Variants in TYW1 observed in about 807,000 individuals in gnomAD.
The protein encoded by TYW1 is S-adenosyl-L-methionine-dependent tRNA 4-demethylwyosine synthase TYW1.
A neutral mutation model predicts 96.2 loss-of-function variants in TYW1; 46 were observed. That is an observed-to-expected ratio of 0.48 (90% CI 0.38 to 0.61). TYW1 has a LOEUF of 0.61. Ranked by LOEUF, TYW1 falls within the 20% of genes least tolerant of loss-of-function variation. The pLI is 0.00. For missense variants in TYW1, 684 were observed against 909.6 expected (o/e 0.75, Z 3.19); for synonymous variants, 274 against 323.0 (o/e 0.85, Z 1.63).
rs180779512 is a variant in TYW1, at chr7:67,092,714, A to G, written c.1385-5827A>G. On this transcript the variant is annotated intron_variant, in intron 11 of 15. Coordinates refer to ENST00000359626, the MANE Select transcript of TYW1 (RefSeq NM_018264.4). ...TTTTTTTTTTTTGAGACGGAATCTC[A>G]CCCTGCTGCCAAGGCTGGAGTGCAG... is the stretch of plus-strand genomic sequence containing the variant. 2.5e-5 allele frequency among the ~76,000 whole-genome samples: 3 copies of G among 117,750 alleles called. No homozygotes were observed. In the East Asian group the frequency reaches 7.4e-4, roughly 29 times the overall value. 77.2% of individuals were successfully genotyped at this position (117,750 alleles called of 152,430 possible). A position where few individuals can be genotyped will look rare whatever the true frequency, so the allele number is the denominator to read the frequency against.
At chr7:67,137,222 C>G (rs1035948418) in intron 13 of TYW1, among the ~76,000 whole-genome samples, 2 of 152,128 alleles carry the variant, frequency 1.3e-5, no homozygotes, top group African/African-American at 4.8e-5. Flanking sequence ...AAAAGTTATT[C>G]TAGGCAGGTC....
rs948349703 is a variant in TYW1 at position 67,016,265 on chromosome 7, C to T, written c.571-1588C>T. ...GGGAGTTTTTTTTAAAAGCTGTTTACGGCCGGGCGCAGTGGCACACTCCTG... is the reference window on the plus strand; with the variant it reads ...GGGAGTTTTTTTTAAAAGCTGTTTATGGCCGGGCGCAGTGGCACACTCCTG... On this transcript the variant is annotated intron_variant, in intron 5 of 15. Coordinates refer to ENST00000359626, the MANE Select transcript of TYW1 (RefSeq NM_018264.4). 1.1e-4 allele frequency among the ~76,000 whole-genome samples: 15 copies of T among 135,426 alleles called. 1 individual carries two copies. The highest frequency in any genetic ancestry group is 9.2e-4 in the South Asian group (4 of 4,340). The allele number at this position is 135,426 out of a possible 152,430, so 88.8% of individuals were successfully genotyped here.
intron 15 of TYW1, among the ~76,000 whole-genome samples, chr7:67,203,477 T>G (rs539671376): frequency 1.2e-4 from 18 of 152,370 alleles, no homozygotes; most frequent in Admixed American, 3.3e-4. Context: ...ACATATTACA[T>G]TATGCATATA....
intron 6 of TYW1, among the ~76,000 whole-genome samples, chr7:67,024,574 G>T (rs1794385763): frequency 6.6e-6 from 1 of 151,824 alleles, no homozygotes; most frequent in Non-Finnish European, 1.5e-5. Context: ...TGAGGTCAGG[G>T]GTTCGAGACC....
At chr7:67,083,767 G>A (rs1796453297) in intron 11 of TYW1, among the ~76,000 whole-genome samples, 1 of 152,228 alleles carries the variant, frequency 6.6e-6, no homozygotes, top group Admixed American at 6.5e-5. Flanking sequence ...AGGTGTGCTG[G>A]CTCACGCCTG....
chr7:67,041,457 GC>G (rs1220560131), intron 7 of TYW1, among the ~76,000 whole-genome samples: 1 of 151,942 alleles, frequency 6.6e-6, no homozygotes, highest in Admixed American at 6.6e-5. Flanking sequence ...CCGCCACCAC[GC>G]CCGGCTAATT....
chr7:67,193,187 G>T (rs10243730), intron 14 of TYW1, among the ~76,000 whole-genome samples: 23,456 of 152,098 alleles, frequency 0.15, 1,963 homozygotes, highest in African/African-American at 0.21. Flanking sequence ...TCTGTTAGTC[G>T]TTGGTTTCTT....
At chr7:67,004,077 A>G (rs1471928561) in intron 3 of TYW1, among the ~76,000 whole-genome samples, 1 of 152,058 alleles carries the variant, frequency 6.6e-6, no homozygotes, top group Non-Finnish European at 1.5e-5. Flanking sequence ...AAAAAAAACA[A>G]TCTAAGTGTG....
intron 12 of TYW1, among the ~76,000 whole-genome samples, chr7:67,109,561 C>G (rs949965972): frequency 2.6e-5 from 4 of 152,142 alleles, no homozygotes; most frequent in Non-Finnish European, 5.9e-5. Context: ...TTGTTCTATT[C>G]CATTCTCACT....
intron 7 of TYW1, among the ~76,000 whole-genome samples, chr7:67,038,021 C>G (rs543824947): frequency 2.3e-4 from 34 of 148,268 alleles, no homozygotes; most frequent in African/African-American, 6.1e-4. Context: ...AATGCTCGGG[C>G]CGAGCTTGGT....
At chr7:67,059,841 C>A (rs750968065) in intron 9 of TYW1, among the ~76,000 whole-genome samples, 1 of 145,314 alleles carries the variant, frequency 6.9e-6, no homozygotes, top group Non-Finnish European at 1.5e-5. Context: ...GGTGTGATCT[C>A]GGCTCCCTGC....
chr7:67,009,664 G>T lies in TYW1; in HGVS notation c.355G>T (p.Asp119Tyr), dbSNP rs1408883099. The change falls in exon 4 of 16, where the codon GAT becomes TAT. Residue 119 changes from aspartate (D) to tyrosine (Y), a missense_variant. Coordinates refer to ENST00000359626, the MANE Select transcript of TYW1 (RefSeq NM_018264.4). The part of the protein sequence containing the change: ...AIINLKEYDP[D>Y]DHLIEEVTSK... ...TATTAATCTAAAAGAATATGATCCAGATGATCATCTGATAGAAGAGGTTGG... is the reference window on the plus strand; with the variant it reads ...TATTAATCTAAAAGAATATGATCCATATGATCATCTGATAGAAGAGGTTGG... 1.2e-6 allele frequency: 2 copies of T among 1,608,258 alleles called. No individual in the cohort carries two copies. The highest frequency in any genetic ancestry group is 1.7e-6 in the Non-Finnish European group (2 of 1,178,422).
intron 15 of TYW1, among the ~76,000 whole-genome samples, chr7:67,197,660 CAAG>C (rs1800444610): frequency 6.6e-6 from 1 of 152,196 alleles, no homozygotes; most frequent in African/African-American, 2.4e-5. Flanking sequence ...ATTGACACAT[CAAG>C]GGGTTCAGTA....
In TYW1 at chr7:67,223,857, G is replaced by T. The variant is rs987914047; in HGVS notation, c.1978-14451G>T. 7.7e-4 allele frequency among the ~76,000 whole-genome samples: 117 copies of T among 151,026 alleles called. 1 individual carries two copies. Among genetic ancestry groups the T allele is most frequent in the African/African-American group, 2.8e-3 (116 of 40,918 alleles). The stretch of plus-strand genomic sequence containing the variant: ...GCAATTTACTGTCAAGCCTTCCCCT[G>T]AATGTTACAAGCCTTCAATAGACTC... On this transcript the variant is annotated intron_variant, in intron 15 of 15. Coordinates refer to ENST00000359626, the MANE Select transcript of TYW1 (RefSeq NM_018264.4).
intron 11 of TYW1, among the ~76,000 whole-genome samples, chr7:67,086,637 A>C (rs1478092023): frequency 6.6e-6 from 1 of 152,196 alleles, no homozygotes; most frequent in Non-Finnish European, 1.5e-5. Flanking sequence ...ATCCTGGCAG[A>C]ATTCCTTCTT....
chr7:67,029,420 T>TACATATATATATATATAC (rs1178670060), intron 7 of TYW1, among the ~76,000 whole-genome samples: 1 of 118,534 alleles, frequency 8.4e-6, no homozygotes, highest in African/African-American at 3.3e-5. Flanking sequence ...TGTGTGTATA[T>TACATATATATATATATAC]ATATATATAT....
chr7:67,201,897 G>A (rs1210404774), intron 15 of TYW1, among the ~76,000 whole-genome samples: 2 of 152,186 alleles, frequency 1.3e-5, no homozygotes, highest in African/African-American at 4.8e-5. Flanking sequence ...TGAAAGAAGT[G>A]TGACACAGCC....
At chr7:67,055,754 A>G in intron 8 of TYW1, 81 bp from the exon 9 acceptor site, 1 of 1,204,262 alleles carries the variant, frequency 8.3e-7, no homozygotes, top group East Asian at 2.5e-5. Flanking sequence ...AAAAAAAAAA[A>G]TTTTTGCTAA....
chr7:67,195,209 AC>A lies in TYW1; in HGVS notation c.1851del (p.Met618TrpfsTer20), dbSNP rs1800350994. 6.2e-7 allele frequency: 1 copy of A among 1,613,720 alleles called. No homozygotes were observed. Among genetic ancestry groups the A allele is most frequent in the Non-Finnish European group, 8.5e-7 (1 of 1,179,990 alleles). ...CGGAGAAAGTTCAGCAAGCAGTCTT[AC>A]CATGGCCCACGTGCCCTGGCATGAG... ...YCGESSASSLTMAHVPWHEEV... is the reference protein window; with the variant it reads ...YCGESSASSLXMAHVPWHEEV... On this transcript the variant is annotated frameshift_variant, in exon 15 of 16. Transcript: ENST00000359626. LOFTEE classifies it high-confidence loss of function.
Sources: allele counts gnomAD v4.1 joint callset (sites outside exome capture counted in the v4.1 genomes callset), GRCh38; gene constraint gnomAD v4.1.1; transcripts MANE v1.5; gene names NCBI Gene and HGNC (gene_info 2026-07-23, HGNC 2026-07-21).